Variants in NRXN1 observed in about 807,000 individuals in gnomAD.
NRXN1 encodes the protein neurexin 1.
Under a neutral mutation model 150.9 loss-of-function variants are expected in NRXN1, and 39 were observed. That is an observed-to-expected ratio of 0.26 (90% CI 0.20 to 0.34). The LOEUF (loss-of-function observed/expected upper bound fraction) is 0.34. Among genes scored for constraint, NRXN1 ranks in the 10% least tolerant of loss-of-function variants. NRXN1 has a pLI of 1.00. For synonymous variants in NRXN1, 924 were observed against 757.0 expected, an observed-to-expected ratio of 1.22 and a Z score of -3.62; for missense variants, 1,815 against 1,949.9, an observed-to-expected ratio of 0.93 and a Z score of 1.30.
At chr2:50,465,323 G>T in intron 17 of NRXN1, 119 bp downstream of exon 17, 2 of 996,510 alleles carry the variant, frequency 2.0e-6, no homozygotes, top group Non-Finnish European at 2.8e-6. Context: ...TGCTTCTATG[G>T]GTTATGACAG....
intron 5 of NRXN1, among the ~76,000 whole-genome samples, chr2:50,656,984 C>T (rs1686572546): frequency 6.6e-6 from 1 of 151,970 alleles, no homozygotes; most frequent in African/African-American, 2.4e-5. Flanking sequence ...AGTTTTCCAC[C>T]TTCCTTGATA....
chr2:50,936,049 T>G (rs1279622359), intron 2 of NRXN1, among the ~76,000 whole-genome samples: 2 of 152,122 alleles, frequency 1.3e-5, no homozygotes, highest in South Asian at 2.1e-4. Flanking sequence ...GGCAATGCAT[T>G]TATACCTCAA....
intron 5 of NRXN1, chr2:50,917,707 A>G (rs896293246): frequency 6.6e-6 from 1 of 151,698 alleles, no homozygotes; most frequent in Non-Finnish European, 1.5e-5. Context: ...ACCAGGAAGC[A>G]AAATCTCACT....
intron 17 of NRXN1, among the ~76,000 whole-genome samples, chr2:50,277,323 G>C (rs996808115): frequency 4.0e-5 from 6 of 149,602 alleles, no homozygotes; most frequent in African/African-American, 1.5e-4. Flanking sequence ...CTGCTTGCTG[G>C]CTTTCCTAAC....
At chr2:50,837,832 A>C (rs1672324213) in intron 5 of NRXN1, among the ~76,000 whole-genome samples, 1 of 152,184 alleles carries the variant, frequency 6.6e-6, no homozygotes, top group Admixed American at 6.5e-5. Context: ...ATAACAATTT[A>C]GTTTTATTAG....
At chr2:50,261,117 C>G (rs1437734639) in intron 17 of NRXN1, among the ~76,000 whole-genome samples, 1 of 151,724 alleles carries the variant, frequency 6.6e-6, no homozygotes, top group Admixed American at 6.6e-5. Context: ...AAACTATTAA[C>G]TCTTTCTTCT....
At chr2:50,536,045 A>T (rs1045349386) in intron 10 of NRXN1, among the ~76,000 whole-genome samples, 1 of 152,196 alleles carries the variant, frequency 6.6e-6, no homozygotes, top group Admixed American at 6.5e-5. Flanking sequence ...AAACTCTGTC[A>T]AAGCCCCCTG....
At chr2:50,846,212 T>C (rs1013229830) in intron 5 of NRXN1, among the ~76,000 whole-genome samples, 1 of 152,162 alleles carries the variant, frequency 6.6e-6, no homozygotes, top group Non-Finnish European at 1.5e-5. Context: ...TTCATTTTGT[T>C]TTGTGTTTTA....
At chr2:50,276,575 C>T (rs1408495863) in intron 17 of NRXN1, among the ~76,000 whole-genome samples, 1 of 152,160 alleles carries the variant, frequency 6.6e-6, no homozygotes, top group Non-Finnish European at 1.5e-5. Context: ...GAAATACATC[C>T]TTCTCCATTA....
chr2:50,288,534 TAAAGG>T (rs576590987), intron 17 of NRXN1, among the ~76,000 whole-genome samples: 25 of 152,268 alleles, frequency 1.6e-4, no homozygotes, highest in African/African-American at 4.8e-4. Context: ...GGGTAATTTA[TAAAGG>T]AAAGAGGTTT....
At chr2:50,848,209 G>A (rs1205857439) in intron 5 of NRXN1, among the ~76,000 whole-genome samples, 3 of 152,040 alleles carry the variant, frequency 2.0e-5, no homozygotes, top group Non-Finnish European at 2.9e-5. Context: ...AAACAGCAGG[G>A]CACTGAAGCA....
chr2:50,066,322 A>T (rs533471762), intron 19 of NRXN1, among the ~76,000 whole-genome samples: 2 of 152,204 alleles, frequency 1.3e-5, no homozygotes, highest in African/African-American at 4.8e-5. Flanking sequence ...GAGGAAAGTT[A>T]AAAAATAAAA....
intron 18 of NRXN1, among the ~76,000 whole-genome samples, chr2:50,160,497 C>A (rs895991946): frequency 6.6e-6 from 1 of 151,702 alleles, no homozygotes; most frequent in Non-Finnish European, 1.5e-5. Flanking sequence ...GCTGAGATTG[C>A]GCCATTGCAC....
intron 5 of NRXN1, among the ~76,000 whole-genome samples, chr2:50,843,805 C>A (rs1332074026): frequency 6.6e-6 from 1 of 152,104 alleles, no homozygotes; most frequent in Non-Finnish European, 1.5e-5. Flanking sequence ...AAGTATCAAC[C>A]AACAGTTTAT....
rs186193552 is a variant in NRXN1, at chr2:50,166,722, T to C, written c.3546+70067A>G. Among the ~76,000 whole-genome samples the C allele has an allele frequency of 1.6e-3, 250 of 152,336 alleles. 1 individual carries two copies. The highest frequency in any genetic ancestry group is 5.3e-3 in the African/African-American group (222 of 41,562). On this transcript the variant is annotated intron_variant, in intron 18 of 22. Transcript: ENST00000401669. ...TTAAATGAAAGCCATTGATTGAATG[T>C]TCATGAAGCAATTAATATATAATAT...
chr2:50,439,098 C>T (rs541608540), intron 17 of NRXN1, among the ~76,000 whole-genome samples: 7 of 152,262 alleles, frequency 4.6e-5, no homozygotes, highest in South Asian at 2.1e-4. Flanking sequence ...TCTGTAGGAT[C>T]GGTGGCTCTC....
intron 5 of NRXN1, among the ~76,000 whole-genome samples, chr2:50,684,490 A>G (rs1385116778): frequency 6.6e-6 from 1 of 152,164 alleles, no homozygotes; most frequent in Non-Finnish European, 1.5e-5. Context: ...TGACAGAGCA[A>G]GATCCTGTCT....
At position 50,053,562 on chromosome 2, in the gene NRXN1, T is replaced by A; in HGVS notation, c.3837A>T (p.Gln1279His). 5 of 1,614,020 alleles carry A rather than the reference T, an allele frequency of 3.1e-6. No homozygotes were observed. Among genetic ancestry groups the A allele is most frequent in the Non-Finnish European group, 4.2e-6 (5 of 1,179,920 alleles). The change falls in exon 21 of 23, where the codon CAA becomes CAT. Residue 1279 changes from glutamine to histidine, a missense_variant. Transcript: ENST00000401669. The part of the protein sequence containing the change: ...KGRQLTIFNS[Q>H]ATIIIGGKEQ... The stretch of plus-strand genomic sequence containing the variant: ...CTTTCCCGCCAATTATTATGGTTGC[T>A]TGGCTATTGAAGATTGTGAGCTGAC...
chr2:50,667,712 T>C (rs1488287003), intron 5 of NRXN1, among the ~76,000 whole-genome samples: 1 of 152,004 alleles, frequency 6.6e-6, no homozygotes, highest in Admixed American at 6.6e-5. Flanking sequence ...TTCTTTAACA[T>C]ACTGTATCCC....
Sources: gnomAD v4.1 joint callset for allele counts (sites outside exome capture counted in the v4.1 genomes callset) on GRCh38, gnomAD v4.1.1 for gene constraint, MANE v1.5 for transcripts, NCBI Gene and HGNC (gene_info 2026-07-23, HGNC 2026-07-21) for gene names.